Variants in PDE4B observed in about 807,000 individuals in gnomAD.
The protein encoded by PDE4B is 3',5'-cyclic-AMP phosphodiesterase 4B.
Under a neutral mutation model 82.2 loss-of-function variants are expected in PDE4B, and 20 were observed. The observed-to-expected ratio is 0.24, with a 90% CI of 0.17 to 0.35. The LOEUF (loss-of-function observed/expected upper bound fraction) is 0.35. Among genes scored for constraint, PDE4B ranks in the 10% least tolerant of loss-of-function variants. The pLI, the probability that PDE4B is intolerant of heterozygous loss-of-function variation, is 1.00. For missense variants in PDE4B, 655 were observed against 907.2 expected (o/e 0.72, Z 3.57); for synonymous variants, 320 against 318.9 (o/e 1.00, Z -0.04).
chr1:66,219,648 A>G (rs569922472), intron 3 of PDE4B, among the ~76,000 whole-genome samples: 1 of 152,278 alleles, frequency 6.6e-6, no homozygotes, highest in African/African-American at 2.4e-5. Flanking sequence ...ACATGTGAAG[A>G]GGTGTCACTT....
intron 3 of PDE4B, among the ~76,000 whole-genome samples, chr1:66,077,640 T>C (rs551188377): frequency 1.3e-5 from 2 of 152,138 alleles, no homozygotes; most frequent in Non-Finnish European, 2.9e-5. Flanking sequence ...ATAGTAAGAA[T>C]ACTCACTAAT....
At chr1:66,314,367 G>T (rs777246846) in intron 7 of PDE4B, among the ~76,000 whole-genome samples, 20 of 152,004 alleles carry the variant, frequency 1.3e-4, no homozygotes, top group Non-Finnish European at 2.2e-4. Context: ...CAAACTTCTT[G>T]GTCTCATTTC....
intron 7 of PDE4B, among the ~76,000 whole-genome samples, chr1:66,281,856 A>G (rs1656323234): frequency 6.6e-6 from 1 of 152,206 alleles, no homozygotes; most frequent in South Asian, 2.1e-4. Context: ...CTATGCCTCC[A>G]TGAATGTAAC....
intron 8 of PDE4B, among the ~76,000 whole-genome samples, chr1:66,352,185 C>A (rs1277946923): frequency 6.6e-6 from 1 of 152,142 alleles, no homozygotes; most frequent in African/African-American, 2.4e-5. Flanking sequence ...CACTAAGTGA[C>A]CTCCATTTGC....
At chr1:66,070,691 G>A (rs1656111584) in intron 3 of PDE4B, among the ~76,000 whole-genome samples, 1 of 151,872 alleles carries the variant, frequency 6.6e-6, no homozygotes, top group Non-Finnish European at 1.5e-5. Flanking sequence ...GAAAAAAGCA[G>A]GAAAGAGATA....
intron 1 of PDE4B, among the ~76,000 whole-genome samples, chr1:65,799,907 ATC>A (rs993083228): frequency 6.6e-6 from 1 of 152,196 alleles, no homozygotes; most frequent in African/African-American, 2.4e-5. Context: ...AAGATTCTCC[ATC>A]TGTTTCTTTC....
intron 1 of PDE4B, among the ~76,000 whole-genome samples, chr1:65,839,879 C>T (rs1357904535): frequency 6.6e-6 from 1 of 152,162 alleles, no homozygotes; most frequent in Non-Finnish European, 1.5e-5. Context: ...CTAATTTACA[C>T]TCCCTCCAAC....
intron 3 of PDE4B, among the ~76,000 whole-genome samples, chr1:65,975,089 T>C (rs1026896845): frequency 2.6e-5 from 4 of 152,192 alleles, no homozygotes; most frequent in African/African-American, 4.8e-5. Context: ...TCCTAGAGAC[T>C]TGTTGAATGG....
At chr1:66,087,685 G>C (rs1398696088) in intron 3 of PDE4B, among the ~76,000 whole-genome samples, 2 of 151,962 alleles carry the variant, frequency 1.3e-5, no homozygotes, top group Non-Finnish European at 2.9e-5. Context: ...ATACTATGCA[G>C]CTATAAAAAA....
intron 1 of PDE4B, among the ~76,000 whole-genome samples, chr1:65,880,811 C>A (rs1571060786): frequency 6.6e-6 from 1 of 151,900 alleles, no homozygotes; most frequent in African/African-American, 2.4e-5. Flanking sequence ...GATCTTTGGA[C>A]TGCATTTGAT....
At chr1:66,170,984 G>A (rs554434706) in intron 3 of PDE4B, among the ~76,000 whole-genome samples, 2 of 152,298 alleles carry the variant, frequency 1.3e-5, no homozygotes, top group Admixed American at 6.5e-5. Context: ...TTTTTGGAGA[G>A]CAGAAATCGT....
intron 1 of PDE4B, among the ~76,000 whole-genome samples, chr1:65,829,223 A>C (rs1044222757): frequency 2.6e-5 from 4 of 152,214 alleles, no homozygotes; most frequent in African/African-American, 9.6e-5. Context: ...AGACAAACAG[A>C]GGCATTGCCT....
chr1:65,826,796 C>G (rs1015822154), intron 1 of PDE4B, among the ~76,000 whole-genome samples: 1 of 152,160 alleles, frequency 6.6e-6, no homozygotes, highest in Non-Finnish European at 1.5e-5. Flanking sequence ...AGGAAAATTA[C>G]ACCCCCTATT....
At chr1:66,324,475 G>C (rs1659613134) in intron 7 of PDE4B, among the ~76,000 whole-genome samples, 6 of 152,010 alleles carry the variant, frequency 3.9e-5, no homozygotes. Context: ...CTCTCTTGGG[G>C]TTATTTTTCA....
At chr1:66,323,275 C>T (rs767891213) in intron 7 of PDE4B, among the ~76,000 whole-genome samples, 1 of 152,106 alleles carries the variant, frequency 6.6e-6, no homozygotes, top group Non-Finnish European at 1.5e-5. Context: ...ACTTTCCTCT[C>T]CCTTGACACT....
chr1:66,208,561 T>C (rs1185203330), intron 3 of PDE4B, among the ~76,000 whole-genome samples: 1 of 152,208 alleles, frequency 6.6e-6, no homozygotes, highest in Non-Finnish European at 1.5e-5. Context: ...CATTTCTTTC[T>C]TAGTTATAGG....
intron 3 of PDE4B, among the ~76,000 whole-genome samples, chr1:66,172,862 T>A (rs896539538): frequency 6.6e-6 from 1 of 152,214 alleles, no homozygotes; most frequent in African/African-American, 2.4e-5. Flanking sequence ...AAGGAACTTT[T>A]AAAAATTACA....
intron 1 of PDE4B, among the ~76,000 whole-genome samples, chr1:65,869,384 A>G (rs1646547678): frequency 6.6e-6 from 1 of 152,314 alleles, no homozygotes; most frequent in South Asian, 2.1e-4. Flanking sequence ...AATAAATGCA[A>G]TTGTTTAAAG....
At position 66,052,694 on chromosome 1, in the gene PDE4B, T is replaced by C. The variant is rs2100867396; in HGVS notation, c.281+133859T>C. Reference sequence around the variant, plus strand: ...TTCCGAGAAATGATTAGGAGTGTGATGTGTGTAGGGTGGTATAGAGAGAGC... The same window carrying C: ...TTCCGAGAAATGATTAGGAGTGTGACGTGTGTAGGGTGGTATAGAGAGAGC... On this transcript the variant is annotated intron_variant, in intron 3 of 16. Transcript: ENST00000341517. 3.3e-5 allele frequency among the ~76,000 whole-genome samples: 5 copies of C among 152,220 alleles called. No individual in the cohort carries two copies. The Middle Eastern group carries it at 0.014, about 414-fold the overall frequency.
Sources: gnomAD v4.1 joint callset for allele counts (sites outside exome capture counted in the v4.1 genomes callset) on GRCh38, gnomAD v4.1.1 for gene constraint, MANE v1.5 for transcripts, NCBI Gene and HGNC (gene_info 2026-07-23, HGNC 2026-07-21) for gene names.